The following ZNF467 variants were observed in gnomAD, a reference collection of about 807,000 sequenced individuals.
The protein encoded by ZNF467 is zinc finger protein 467, also known as zinc finger protein EZI.
In ZNF467, 51 loss-of-function variants were observed where a neutral mutation model predicts 47.8. That is an observed-to-expected ratio of 1.07 (90% CI 0.85 to 1.35). The LOEUF (loss-of-function observed/expected upper bound fraction) is 1.35. ZNF467 is among the 40% of genes most tolerant of loss of function. ZNF467 has a pLI of 0.00. For missense variants in ZNF467, 992 were observed against 858.1 expected, an observed-to-expected ratio of 1.16 and a Z score of -1.95; for synonymous variants, 416 against 372.9, an observed-to-expected ratio of 1.12 and a Z score of -1.33.
At position 149,764,723 on chromosome 7, in the gene ZNF467, G is replaced by A. The variant is rs1355543439; in HGVS notation, c.1779C>T (p.Leu593=). The stretch of plus-strand genomic sequence containing the variant: ...CTCGTGAGAACTAGGCTCAGAAGAA[G>A]AGCGGGGGCGGCGCCACCTCGGGGG... ...SAPPEVAPPP[L]FF is the part of the protein sequence containing the mutation. Residue 593 remains leucine (L), a synonymous_variant, in exon 5 of 5, where the codon CTC becomes CTT. Coordinates refer to ENST00000302017, the MANE Select transcript of ZNF467 (RefSeq NM_207336.3). The A allele has an allele frequency of 2.6e-6, 4 of 1,562,516 alleles. No homozygotes were observed. Among genetic ancestry groups the A allele is most frequent in the Admixed American group, 1.8e-5 (1 of 55,278 alleles).
chr7:149,764,684 G>T lies in ZNF467; in HGVS notation c.*30C>A. 1 of 1,579,196 alleles carries T rather than the reference G, an allele frequency of 6.3e-7. No homozygotes were observed. The highest frequency in any genetic ancestry group is 1.8e-5 in the Admixed American group (1 of 56,824). On this transcript the variant is annotated 3_prime_UTR_variant, in exon 5 of 5. Transcript: ENST00000302017. ...ATGGCACGGGCCTCTCGAAACTGTGGGCAAGAAAGGGTCCTCGTGAGAACT... is the reference window on the plus strand; with the variant it reads ...ATGGCACGGGCCTCTCGAAACTGTGTGCAAGAAAGGGTCCTCGTGAGAACT...
chr7:149,775,966 C>A, upstream of ZNF467: 1 of 1,165,706 alleles, frequency 8.6e-7, no homozygotes, highest in Non-Finnish European at 1.2e-6. Context: ...GCTGGCCTCT[C>A]TGCCCTCTCT....
upstream of ZNF467, among the ~76,000 whole-genome samples, chr7:149,774,615 G>A (rs1381400122): frequency 2.0e-5 from 3 of 152,204 alleles, no homozygotes; most frequent in East Asian, 5.8e-4. This position sits in a 1 kb window ranked among gnomAD's most constrained non-coding sequence, Gnocchi z 5.7. Flanking sequence ...CCTCCAGGAT[G>A]AAGGGAGCAC....
chr7:149,764,544 G>T lies in ZNF467; in HGVS notation c.*170C>A. The T allele has an allele frequency of 8.0e-7, 1 of 1,244,660 alleles. No homozygotes were observed. Among genetic ancestry groups the T allele is most frequent in the Non-Finnish European group, 1.1e-6 (1 of 877,156 alleles). 77.1% of individuals were successfully genotyped at this position (1,244,660 alleles called of 1,614,324 possible). A position where few individuals can be genotyped will look rare whatever the true frequency, so the allele number is the denominator to read the frequency against. On this transcript the variant is annotated 3_prime_UTR_variant, in exon 5 of 5. Transcript: ENST00000302017. ...GTTCGCTGAGTCTCTGTCCTAGGAG[G>T]TCCGAGCTGGGTATGCTGTGCGGAC...
rs1355643876 is a variant in ZNF467 at position 149,773,275 on chromosome 7, C to T, written c.-210G>A. 1.3e-5 allele frequency: 2 copies of T among 151,142 alleles called. No homozygotes were observed. Among genetic ancestry groups the T allele is most frequent in the Non-Finnish European group, 2.9e-5 (2 of 67,848 alleles). The allele number at this position is 151,142 out of a possible 1,614,324, so 9.4% of individuals were successfully genotyped here. ...ACTTCGCGGGGAGGAGAGGGATAGACGCGCGGGGAGTCGAAGCCGGGAAAC... is the reference window on the plus strand; with the variant it reads ...ACTTCGCGGGGAGGAGAGGGATAGATGCGCGGGGAGTCGAAGCCGGGAAAC... On this transcript the variant is annotated 5_prime_UTR_variant, in exon 1 of 5. Transcript: ENST00000302017.
At chr7:149,776,078 G>A (rs1276338981), upstream of ZNF467, 5 of 1,364,984 alleles carry the variant, frequency 3.7e-6, no homozygotes, top group South Asian at 1.1e-5. Context: ...GATGGCGTGG[G>A]CCCTGGCTGA....
chr7:149,765,949 C>T lies in ZNF467; in HGVS notation c.553G>A (p.Glu185Lys), dbSNP rs778252632. The change falls in exon 5 of 5, where the codon GAG becomes AAG. Residue 185 changes from glutamate to lysine, a missense_variant. By Grantham distance (56) the Glu-to-Lys change is moderately conservative. Transcript: ENST00000302017. ...LRLHQRLHRG[E>K]GPCACPDCGR... ...CAGTCCGGGCAGGCGCAGGGGCCCT[C>T]GCCCCGGTGCAGCCGCTGGTGCAGT... is the stretch of plus-strand genomic sequence containing the variant. 167 of 1,551,908 alleles carry T rather than the reference C, an allele frequency of 1.1e-4. No individual in the cohort carries two copies. The highest frequency in any genetic ancestry group is 1.4e-4 in the Non-Finnish European group (157 of 1,148,966).
Position 149,765,587 on chromosome 7 carries a change from G to C in ZNF467, c.915C>G (p.Cys305Trp), listed in dbSNP as rs1315197564. The C allele has an allele frequency of 6.3e-7, 1 of 1,596,892 alleles. No individual in the cohort carries two copies. Among genetic ancestry groups the C allele is most frequent in the African/African-American group, 1.3e-5 (1 of 74,810 alleles). ...TGERPYQCAQ[C>W]ARSFTHKQHL... is the part of the protein sequence containing the mutation. ...GCTGCTTGTGCGTGAAGCTGCGTGC[G>C]CACTGTGCGCACTGGTAGGGCCTCT... Residue 305 changes from cysteine (C) to tryptophan (W), a missense_variant, in exon 5 of 5, where the codon TGC becomes TGG. By Grantham distance (215) the Cys-to-Trp change is radical (BLOSUM62 -2). Transcript: ENST00000302017.
chr7:149,770,930 G>A, intron 2 of ZNF467, 69 bp downstream of exon 2: 1 of 1,605,876 alleles, frequency 6.2e-7, no homozygotes, highest in African/African-American at 1.3e-5. Context: ...TGGCTCTGCT[G>A]TCTGAGTTGT....
Position 149,769,220 on chromosome 7 carries a change from C to T in ZNF467, c.152-20G>A, listed in dbSNP as rs961421292. 1.9e-6 allele frequency: 3 copies of T among 1,542,102 alleles called. No homozygotes were observed. The highest frequency in any genetic ancestry group is 2.6e-6 in the Non-Finnish European group (3 of 1,142,188). Reference sequence around the variant, plus strand: ...CGTGCCCTGGCAGAGAATAGGATACCTCAAGGACTCTGGAGACATCACAGA... The same window carrying T: ...CGTGCCCTGGCAGAGAATAGGATACTTCAAGGACTCTGGAGACATCACAGA... On this transcript the variant is annotated intron_variant, in intron 3 of 4. Coordinates refer to ENST00000302017, the MANE Select transcript of ZNF467 (RefSeq NM_207336.3). This position sits in a 1 kb window ranked among gnomAD's most constrained non-coding sequence, Gnocchi z 5.3.
At chr7:149,776,302 CAGAG>C (rs200575788), upstream of ZNF467, 5,284 of 1,335,186 alleles carry the variant, frequency 4.0e-3, 168 homozygotes, top group African/African-American at 0.069. Context: ...CTTTTGGTGA[CAGAG>C]GGAATGGTGG....
rs855666 is a variant in ZNF467 at position 149,764,504 on chromosome 7, C to A, written c.*210G>T. ...GAGCCTTCCAAGAACTTCAGCTCAG[C>A]GGTTCCCAGCAAGGGTTCGCTGAGT... On this transcript the variant is annotated 3_prime_UTR_variant, in exon 5 of 5. Transcript: ENST00000302017. The A allele has an allele frequency of 5.3e-3, 4,778 of 909,816 alleles. 150 individuals carry two copies. In the African/African-American group the frequency reaches 0.068, roughly 13 times the overall value. The allele number at this position is 909,816 out of a possible 1,614,324, so 56.4% of individuals were successfully genotyped here.
rs1438055803 is a variant in ZNF467 at position 149,765,525 on chromosome 7, C to T, written c.977G>A (p.Gly326Asp). 2.5e-6 allele frequency: 4 copies of T among 1,578,304 alleles called. No individual in the cohort carries two copies. The highest frequency in any genetic ancestry group is 1.2e-5 in the South Asian group (1 of 86,704). Residue 326 changes from glycine to aspartate, a missense_variant, in exon 5 of 5, where the codon GGC becomes GAC. Transcript: ENST00000302017. ...VRHQRVHQTAGPARPSPDSSA... is the reference protein window; with the variant it reads ...VRHQRVHQTADPARPSPDSSA... Reference sequence around the variant, plus strand: ...CGAGTCGGGAGAGGGCCTGGCCGGGCCGGCCGTCTGGTGCACCCTTTGGTG... The same window carrying T: ...CGAGTCGGGAGAGGGCCTGGCCGGGTCGGCCGTCTGGTGCACCCTTTGGTG...
In ZNF467 at chr7:149,765,307, C is replaced by G. The variant is rs1333701009; in HGVS notation, c.1195G>C (p.Ala399Pro). 1 of 1,474,890 alleles carries G rather than the reference C, an allele frequency of 6.8e-7. No individual in the cohort carries two copies. Among genetic ancestry groups the G allele is most frequent in the African/African-American group, 1.4e-5 (1 of 70,866 alleles). 91.4% of individuals were successfully genotyped at this position (1,474,890 alleles called of 1,614,324 possible). A position where few individuals can be genotyped will look rare whatever the true frequency, so the allele number is the denominator to read the frequency against. Reference protein sequence around the residue: ...CALGATVDAPAAKPLASAPGG... With the variant: ...CALGATVDAPPAKPLASAPGG... ...GGCGCGCTGGCCAGGGGCTTGGCGG[C>G]GGGGGCATCCACGGTGGCGCCCAGT... is the stretch of plus-strand genomic sequence containing the variant. The change falls in exon 5 of 5, where the codon GCC becomes CCC. Residue 399 changes from alanine (A) to proline (P), a missense_variant. Coordinates refer to ENST00000302017, the MANE Select transcript of ZNF467 (RefSeq NM_207336.3).
At chr7:149,774,507 T>G (rs1415329323), upstream of ZNF467, among the ~76,000 whole-genome samples, 2 of 150,914 alleles carry the variant, frequency 1.3e-5, no homozygotes, top group Non-Finnish European at 2.9e-5. This position sits in a 1 kb window ranked among gnomAD's most constrained non-coding sequence, Gnocchi z 5.7. Context: ...AAGGGGAGGG[T>G]GTGAATGGCC....
At chr7:149,774,344 G>T (rs1799518847), upstream of ZNF467, among the ~76,000 whole-genome samples, 1 of 152,148 alleles carries the variant, frequency 6.6e-6, no homozygotes, top group African/African-American at 2.4e-5. This position sits in a 1 kb window ranked among gnomAD's most constrained non-coding sequence, Gnocchi z 5.7. Flanking sequence ...TTAGTTCCCG[G>T]TCTCCTCTCC....
chr7:149,776,212 C>G (rs1799575537), upstream of ZNF467: 32 of 1,075,022 alleles, frequency 3.0e-5, no homozygotes, highest in South Asian at 4.6e-4. Context: ...ACCCCCGCCA[C>G]TTCCCATGAG....
Position 149,769,292 on chromosome 7 carries a change from C to T in ZNF467, c.152-92G>A. 2 of 1,196,070 alleles carry T rather than the reference C, an allele frequency of 1.7e-6. No individual in the cohort carries two copies. Among genetic ancestry groups the T allele is most frequent in the Non-Finnish European group, 2.3e-6 (2 of 870,986 alleles). 74.1% of individuals were successfully genotyped at this position (1,196,070 alleles called of 1,614,324 possible). On this transcript the variant is annotated intron_variant, in intron 3 of 4. Transcript: ENST00000302017. This position sits in a 1 kb window ranked among gnomAD's most constrained non-coding sequence, Gnocchi z 5.3. ...GCTGGGAAGCAGGAGCATTTGAAAC[C>T]CTGGCTCCAGCAGGGCCCACAGGGT...
chr7:149,776,175 GC>G, upstream of ZNF467: 4 of 1,149,280 alleles, frequency 3.5e-6, no homozygotes, highest in South Asian at 1.4e-5. Flanking sequence ...CAGACTCCGT[GC>G]CCCCCACCCC....
Sources: allele counts gnomAD v4.1 joint callset (sites outside exome capture counted in the v4.1 genomes callset), GRCh38; gene constraint gnomAD v4.1.1; non-coding constraint Gnocchi (gnomAD v3.1); transcripts MANE v1.5; gene names NCBI Gene and HGNC (gene_info 2026-07-23, HGNC 2026-07-21).